Variants in CTNNA2 observed in about 807,000 individuals in gnomAD.
CTNNA2 encodes catenin alpha 2.
In CTNNA2, 42 loss-of-function variants were observed where a neutral mutation model predicts 101.0. The observed-to-expected ratio is 0.42, with a 90% CI of 0.32 to 0.54. The LOEUF (loss-of-function observed/expected upper bound fraction) is 0.54. CTNNA2 is among the 20% of genes least tolerant of loss of function. The pLI, the probability that CTNNA2 is intolerant of heterozygous loss-of-function variation, is 0.14. For missense variants in CTNNA2, 871 were observed against 1,223.1 expected, an observed-to-expected ratio of 0.71 and a Z score of 4.29; for synonymous variants, 450 against 456.4, an observed-to-expected ratio of 0.99 and a Z score of 0.18.
At chr2:79,303,963 T>C (rs1001849211) in intron 2 of CTNNA2, among the ~76,000 whole-genome samples, 1 of 152,040 alleles carries the variant, frequency 6.6e-6, no homozygotes, top group Non-Finnish European at 1.5e-5. Context: ...CTCAGGACAT[T>C]CTAACTGGTG....
intron 3 of CTNNA2, among the ~76,000 whole-genome samples, chr2:79,815,514 G>T (rs1432119015): frequency 6.6e-6 from 1 of 152,154 alleles, no homozygotes; most frequent in African/African-American, 2.4e-5. Context: ...TTGTTGAAAA[G>T]AATGTCCTTT....
At chr2:79,813,548 CACT>C (rs1250214513) in intron 3 of CTNNA2, among the ~76,000 whole-genome samples, 1 of 152,082 alleles carries the variant, frequency 6.6e-6, no homozygotes, top group Admixed American at 6.6e-5. Flanking sequence ...AATGATGATT[CACT>C]ATACCTTCAA....
intron 2 of CTNNA2, among the ~76,000 whole-genome samples, chr2:79,699,306 C>T (rs1684838262): frequency 6.6e-6 from 1 of 152,036 alleles, no homozygotes; most frequent in Admixed American, 6.6e-5. Flanking sequence ...CTTCAATTTT[C>T]CATTCCTGAT....
intron 1 of CTNNA2, among the ~76,000 whole-genome samples, chr2:79,582,868 CT>C (rs1174844521): frequency 6.6e-6 from 1 of 152,082 alleles, no homozygotes; most frequent in East Asian, 1.9e-4. Flanking sequence ...TTTTCTCATG[CT>C]TTTTTAAGTT....
chr2:79,303,796 A>G (rs984382918), intron 2 of CTNNA2, among the ~76,000 whole-genome samples: 1 of 151,896 alleles, frequency 6.6e-6, no homozygotes, highest in Non-Finnish European at 1.5e-5. Context: ...CACAGGACCA[A>G]TGGGAAGTGG....
intron 7 of CTNNA2, among the ~76,000 whole-genome samples, chr2:80,312,906 G>A (rs140225659): frequency 1.5e-3 from 229 of 152,272 alleles, no homozygotes; most frequent in African/African-American, 4.3e-3. Context: ...TTGCCACATA[G>A]CACTAGTAAA....
At chr2:79,349,960 G>T (rs1478260814) in intron 3 of CTNNA2, among the ~76,000 whole-genome samples, 1 of 151,030 alleles carries the variant, frequency 6.6e-6, no homozygotes, top group Non-Finnish European at 1.5e-5. Flanking sequence ...TGTAGTCCTA[G>T]CTACTCAGGA....
intron 1 of CTNNA2, among the ~76,000 whole-genome samples, chr2:79,555,202 C>T (rs1414905184): frequency 2.6e-5 from 4 of 152,096 alleles, no homozygotes; most frequent in Non-Finnish European, 5.9e-5. Context: ...TATCACTTTT[C>T]TCTTTCTTGG....
At chr2:79,663,175 T>TA (rs1211878322) in intron 2 of CTNNA2, among the ~76,000 whole-genome samples, 3 of 152,172 alleles carry the variant, frequency 2.0e-5, no homozygotes, top group African/African-American at 7.2e-5. Flanking sequence ...ACTCTGCTGC[T>TA]AAAGTCCTGG....
intron 4 of CTNNA2, among the ~76,000 whole-genome samples, chr2:79,498,561 G>T (rs1348296657): frequency 6.6e-6 from 1 of 151,970 alleles, no homozygotes. Flanking sequence ...ACCTTGATTG[G>T]CACCTTTATC....
chr2:79,246,501 A>G (rs1674702316), intron 2 of CTNNA2, among the ~76,000 whole-genome samples: 1 of 152,216 alleles, frequency 6.6e-6, no homozygotes, highest in South Asian at 2.1e-4. Flanking sequence ...ATTAGCTGTC[A>G]GTATCTTTCT....
intron 7 of CTNNA2, among the ~76,000 whole-genome samples, chr2:79,979,798 G>A (rs915849703): frequency 1.3e-5 from 2 of 152,020 alleles, no homozygotes; most frequent in Non-Finnish European, 2.9e-5. Flanking sequence ...GTATCAGACC[G>A]CATATTTAAA....
chr2:80,608,929 G>A (rs216668), intron 17 of CTNNA2, among the ~76,000 whole-genome samples: 34,162 of 151,684 alleles, frequency 0.23, 5,446 homozygotes, highest in African/African-American at 0.46. Flanking sequence ...ATAATTATCT[G>A]GTCCATTTTT....
At chr2:79,942,911 T>C (rs1413334762) in intron 7 of CTNNA2, among the ~76,000 whole-genome samples, 1 of 152,144 alleles carries the variant, frequency 6.6e-6, no homozygotes, top group Non-Finnish European at 1.5e-5. Context: ...TTAGTCTTCA[T>C]TGAATCCTAA....
At chr2:80,280,084 A>G (rs1226150923) in intron 7 of CTNNA2, among the ~76,000 whole-genome samples, 1 of 151,650 alleles carries the variant, frequency 6.6e-6, no homozygotes, top group Non-Finnish European at 1.5e-5. Flanking sequence ...ACTTCAAGTA[A>G]TATTTGTTTT....
At chr2:80,524,362 A>G (rs1217018067) in intron 9 of CTNNA2, among the ~76,000 whole-genome samples, 1 of 152,156 alleles carries the variant, frequency 6.6e-6, no homozygotes, top group Non-Finnish European at 1.5e-5. Flanking sequence ...TTTCAGAAGA[A>G]TCTGACTCCG....
chr2:79,777,686 T>C (rs17017857), intron 3 of CTNNA2, among the ~76,000 whole-genome samples: 38,281 of 152,080 alleles, frequency 0.25, 5,105 homozygotes, highest in South Asian at 0.41. Flanking sequence ...AGGATGGGAA[T>C]CTGACCTGAT....
chr2:79,454,966 A>G (rs2104530055), intron 4 of CTNNA2, among the ~76,000 whole-genome samples: 1 of 152,294 alleles, frequency 6.6e-6, no homozygotes, highest in South Asian at 2.1e-4. Flanking sequence ...AGACTGTGTT[A>G]TGTCCATCTC....
intron 3 of CTNNA2, among the ~76,000 whole-genome samples, chr2:79,792,412 C>A (rs957208299): frequency 6.6e-6 from 1 of 152,168 alleles, no homozygotes; most frequent in African/African-American, 2.4e-5. Context: ...TACAAGCATC[C>A]ACCTCTGCTC....
Sources: allele counts gnomAD v4.1 joint callset (sites outside exome capture counted in the v4.1 genomes callset), GRCh38; gene constraint gnomAD v4.1.1; transcripts MANE v1.5; gene names NCBI Gene and HGNC (gene_info 2026-07-23, HGNC 2026-07-21).